Variants in CCDC81 observed in about 807,000 individuals in gnomAD.
The protein encoded by CCDC81 is coiled-coil domain containing 81, also known as coiled-coil domain-containing protein 81.
CCDC81 carries 79 observed loss-of-function variants against 83.7 expected under a neutral mutation model. That is an observed-to-expected ratio of 0.94 (90% CI 0.79 to 1.14). The LOEUF is 1.14. CCDC81 is among the 50% of genes most tolerant of loss of function. The probability of loss-of-function intolerance (pLI) is 0.00; values close to 1 mark genes in which losing one functional copy is unlikely to be tolerated. For missense variants in CCDC81, 791 were observed against 778.1 expected (o/e 1.02, Z -0.20); for synonymous variants, 252 against 278.1 (o/e 0.91, Z 0.93).
intron 4 of CCDC81, among the ~76,000 whole-genome samples, chr11:86,394,711 A>C (rs552293658): frequency 7.9e-5 from 12 of 152,344 alleles, no homozygotes; most frequent in African/African-American, 2.4e-4. Context: ...ATTCATGCAA[A>C]AATAATAATT....
intron 13 of CCDC81, among the ~76,000 whole-genome samples, chr11:86,417,755 T>TG (rs1461711200): frequency 6.6e-6 from 1 of 151,996 alleles, no homozygotes; most frequent in African/African-American, 2.4e-5. Context: ...CCTTTTTTTT[T>TG]TTGTTTTTTT....
intron 3 of CCDC81, among the ~76,000 whole-genome samples, chr11:86,391,316 T>A (rs1368319792): frequency 1.3e-5 from 2 of 152,220 alleles, no homozygotes; most frequent in Non-Finnish European, 2.9e-5. Context: ...TTTTCATCAT[T>A]TAGCAGTGGT....
At chr11:86,421,733 C>A (rs1346848787) in intron 14 of CCDC81, among the ~76,000 whole-genome samples, 1 of 152,112 alleles carries the variant, frequency 6.6e-6, no homozygotes, top group Non-Finnish European at 1.5e-5. Context: ...CCTGAGCAAA[C>A]ATGGTGAAAC....
rs1226496676 is a variant in CCDC81, at chr11:86,408,115, T to C, written c.970-12T>C. The C allele has an allele frequency of 1.2e-6, 2 of 1,605,986 alleles. No individual in the cohort carries two copies. The highest frequency in any genetic ancestry group is 1.3e-5 in the African/African-American group (1 of 74,434). On this transcript the variant is annotated splice_polypyrimidine_tract_variant and intron_variant, in intron 8 of 14. Transcript: ENST00000445632. ...TGTAAAAATTTATTTGTCCTGAAAT[T>C]TGGGATTGTAGGAAATGTGCTATGT...
At chr11:86,387,752 G>GTGC in intron 3 of CCDC81, 80 bp downstream of exon 3, 1 of 993,898 alleles carries the variant, frequency 1.0e-6, no homozygotes, top group Non-Finnish European at 1.5e-6. Flanking sequence ...AGCGTAGCCA[G>GTGC]TGCTGCTGTC....
At chr11:86,418,026 T>A (rs1373985572) in intron 13 of CCDC81, among the ~76,000 whole-genome samples, 1 of 152,208 alleles carries the variant, frequency 6.6e-6, no homozygotes, top group Non-Finnish European at 1.5e-5. Context: ...CTGCACAATC[T>A]CTGCCTCATT....
intron 6 of CCDC81, among the ~76,000 whole-genome samples, chr11:86,399,572 T>A (rs1202026137): frequency 6.6e-6 from 1 of 152,028 alleles, no homozygotes; most frequent in African/African-American, 2.4e-5. Flanking sequence ...CACCTCGGCC[T>A]CCCAAAGTGT....
Position 86,392,758 on chromosome 11 carries a change from C to A in CCDC81, c.516C>A (p.Thr172=). 1 of 1,551,500 alleles carries A rather than the reference C, an allele frequency of 6.4e-7. No individual in the cohort carries two copies. The highest frequency in any genetic ancestry group is 1.2e-5 in the South Asian group (1 of 84,012). ...KMRFYKDFLC[T]MDGSGALAKA... is the part of the protein sequence containing the mutation. ...GGTTTTATAAAGACTTCCTTTGTAC[C>A]ATGGATGGAAGTGGGGCTTTGGCAA... The change falls in exon 4 of 15, where the codon ACC becomes ACA. Residue 172 remains threonine (T), a synonymous_variant. Coordinates refer to ENST00000445632, the MANE Select transcript of CCDC81 (RefSeq NM_001156474.2).
intron 2 of CCDC81, among the ~76,000 whole-genome samples, 172 bp downstream of exon 2, chr11:86,386,284 G>A (rs1948240713): frequency 6.6e-6 from 1 of 151,952 alleles, no homozygotes; most frequent in Non-Finnish European, 1.5e-5. Context: ...GCTCATGTTC[G>A]GACTTGTGGG....
chr11:86,376,037 A>G (rs1948094320), intron 1 of CCDC81, among the ~76,000 whole-genome samples: 1 of 152,248 alleles, frequency 6.6e-6, no homozygotes. Flanking sequence ...TAATGAATTT[A>G]AAAACATTTG....
At chr11:86,401,509 C>T (rs376221963) in intron 7 of CCDC81, among the ~76,000 whole-genome samples, 36 of 152,214 alleles carry the variant, frequency 2.4e-4, no homozygotes, top group African/African-American at 7.0e-4. Context: ...ATGTTAAAAA[C>T]TCTAGGAATG....
Position 86,412,558 on chromosome 11 carries a change from G to T in CCDC81, c.1390G>T (p.Glu464Ter). Residue 464 changes from glutamate to a stop codon, truncating the protein, a stop_gained and splice_region_variant, in exon 11 of 15, where the codon GAA becomes TAA. Transcript: ENST00000445632. LOFTEE classifies it high-confidence loss of function. Reference protein sequence around the residue: ...DRLEQVQLTEELAAQRAKFLK... With the variant: ...DRLEQVQLTE ...CCTGGAACAAGTGCAACTCACAGAG[G>T]AGTGAGTCCAGCTACACACGCTCTG... 1 of 1,601,780 alleles carries T rather than the reference G, an allele frequency of 6.2e-7. No homozygotes were observed.
At chr11:86,405,565 T>C (rs1948554024) in intron 7 of CCDC81, among the ~76,000 whole-genome samples, 1 of 152,190 alleles carries the variant, frequency 6.6e-6, no homozygotes, top group African/African-American at 2.4e-5. Flanking sequence ...CTCATTTCTT[T>C]AGTATGCTTT....
intron 7 of CCDC81, 23 bp downstream of exon 7, chr11:86,400,824 T>C (rs1280646663): frequency 1.9e-6 from 3 of 1,572,118 alleles, no homozygotes; most frequent in East Asian, 2.3e-5. Context: ...CTTTTTTTTT[T>C]CTGTTGTACT....
chr11:86,387,072 A>C (rs112535646), intron 2 of CCDC81, among the ~76,000 whole-genome samples: 98 of 152,350 alleles, frequency 6.4e-4, no homozygotes, highest in African/African-American at 2.3e-3. Context: ...ACATTGCAGC[A>C]TATGATTTGG....
chr11:86,375,221 C>T lies in CCDC81; in HGVS notation c.58C>T (p.Leu20=). 1.2e-6 allele frequency: 2 copies of T among 1,611,740 alleles called. No individual in the cohort carries two copies. The highest frequency in any genetic ancestry group is 1.7e-6 in the Non-Finnish European group (2 of 1,179,806). The change falls in exon 1 of 15, where the codon CTG becomes TTG. Residue 20 remains leucine (L), a synonymous_variant. Transcript: ENST00000445632. ...QDLGRQVLPT[L]PSLSQEEVSI... ...CCTGGGCAGGCAGGTGCTGCCCACTCTGCCCTCGCTGAGCCAGGAGGGTAA... is the reference window on the plus strand; with the variant it reads ...CCTGGGCAGGCAGGTGCTGCCCACTTTGCCCTCGCTGAGCCAGGAGGGTAA...
rs781451099 is a variant in CCDC81, at chr11:86,395,350, A to T, written c.572A>T (p.Asp191Val). 6.2e-7 allele frequency: 1 copy of T among 1,613,776 alleles called. No individual in the cohort carries two copies. Among genetic ancestry groups the T allele is most frequent in the Non-Finnish European group, 8.5e-7 (1 of 1,179,872 alleles). ...GTCCTCTAGAGGCCTGGCACTGTGGACTCGGTGTTGTCTAGCAGAGAGGCC... is the reference window on the plus strand; with the variant it reads ...GTCCTCTAGAGGCCTGGCACTGTGGTCTCGGTGTTGTCTAGCAGAGAGGCC... ...KALANRPGTV[D>V]SVLSSREALR... The change falls in exon 5 of 15, where the codon GAC becomes GTC. Residue 191 changes from aspartate (D) to valine (V), a missense_variant. By Grantham distance (152) the Asp-to-Val change is radical (BLOSUM62 -3). Transcript: ENST00000445632.
intron 13 of CCDC81, among the ~76,000 whole-genome samples, chr11:86,417,236 CA>C (rs35734072): frequency 1.4e-4 from 19 of 135,158 alleles, no homozygotes; most frequent in Admixed American, 3.0e-4. Context: ...GAGATTGCCT[CA>C]AAAAAAAAAA....
At chr11:86,401,505 A>C (rs1948486590) in intron 7 of CCDC81, among the ~76,000 whole-genome samples, 1 of 152,218 alleles carries the variant, frequency 6.6e-6, no homozygotes, top group African/African-American at 2.4e-5. Flanking sequence ...AGTCATGTTA[A>C]AAACTCTAGG....
Sources: gnomAD v4.1 joint callset for allele counts (sites outside exome capture counted in the v4.1 genomes callset) on GRCh38, gnomAD v4.1.1 for gene constraint, MANE v1.5 for transcripts, NCBI Gene and HGNC (gene_info 2026-07-23, HGNC 2026-07-21) for gene names.